ARFGEF3: variants seen among roughly 807,000 people sequenced by gnomAD.
The protein encoded by ARFGEF3 is brefeldin A-inhibited guanine nucleotide-exchange protein 3.
ARFGEF3 carries 96 observed loss-of-function variants against 221.7 expected under a neutral mutation model. The observed-to-expected ratio is 0.43, with a 90% CI of 0.37 to 0.51. ARFGEF3 has a LOEUF of 0.51. ARFGEF3 is among the 20% of genes least tolerant of loss of function. The pLI is 0.00. For synonymous variants in ARFGEF3, 1,145 were observed against 1,126.8 expected (o/e 1.02, Z -0.32); for missense variants, 2,410 against 2,789.9 (o/e 0.86, Z 3.07).
intron 12 of ARFGEF3, among the ~76,000 whole-genome samples, chr6:138,276,665 T>C (rs1183089572): frequency 2.0e-5 from 3 of 152,114 alleles, no homozygotes; most frequent in Non-Finnish European, 4.4e-5. Flanking sequence ...GCTTTTTGTT[T>C]TTCGTTTTTT....
At chr6:138,318,294 A>T (rs953254126) in intron 27 of ARFGEF3, among the ~76,000 whole-genome samples, 48 of 152,174 alleles carry the variant, frequency 3.2e-4, no homozygotes, top group African/African-American at 1.2e-3. Context: ...TTTCACATTG[A>T]TTGCCACTAA....
At chr6:138,238,891 A>C (rs903872250) in intron 6 of ARFGEF3, among the ~76,000 whole-genome samples, 1 of 152,170 alleles carries the variant, frequency 6.6e-6, no homozygotes, top group African/African-American at 2.4e-5. Flanking sequence ...TCATTGTTTT[A>C]AAACTTCTCA....
rs1373289696 is a variant in ARFGEF3, at chr6:138,328,072, C to T, written c.5053C>T (p.His1685Tyr). 7.7e-6 allele frequency: 12 copies of T among 1,563,626 alleles called. No individual in the cohort carries two copies. The highest frequency in any genetic ancestry group is 1.0e-5 in the Non-Finnish European group (12 of 1,152,736). The stretch of plus-strand genomic sequence containing the variant: ...ACCAAAGACACCAAACAACTTTGAC[C>T]ACGCTCAGTCCTGCCAGCTCATTAT... Reference protein sequence around the residue: ...CSPKTPNNFDHAQSCQLIIEL... With the variant: ...CSPKTPNNFDYAQSCQLIIEL... Residue 1685 changes from histidine to tyrosine, a missense_variant, in exon 32 of 34, where the codon CAC (histidine) becomes TAC (tyrosine). By Grantham distance (83) the His-to-Tyr change is moderately conservative. Coordinates refer to ENST00000251691, the MANE Select transcript of ARFGEF3 (RefSeq NM_020340.5).
At position 138,335,146 on chromosome 6, in the gene ARFGEF3, C is replaced by T. The variant is rs1780299934; in HGVS notation, c.6300C>T (p.Ser2100=). Residue 2100 remains serine (S), a synonymous_variant, in exon 33 of 34, where the codon AGC becomes AGT. Transcript: ENST00000251691. The part of the protein sequence containing the change: ...DKRPRSGSTG[S]SLSVSVRDAE... ...GGCCCCGCTCAGGCTCCACCGGGAG[C>T]TCCCTCAGTGTCTCGGTGAGAGACG... The T allele has an allele frequency of 6.3e-7, 1 of 1,587,114 alleles. No individual in the cohort carries two copies. The highest frequency in any genetic ancestry group is 8.5e-7 in the Non-Finnish European group (1 of 1,170,276).
At chr6:138,256,293 T>C (rs1778679415) in intron 10 of ARFGEF3, among the ~76,000 whole-genome samples, 1 of 152,282 alleles carries the variant, frequency 6.6e-6, no homozygotes, top group Admixed American at 6.5e-5. Context: ...CATCCCAGTG[T>C]GCTACTTCAT....
In ARFGEF3 at chr6:138,255,576, G is replaced by T; in HGVS notation, c.911G>T (p.Gly304Val). 6.2e-7 allele frequency: 1 copy of T among 1,613,986 alleles called. No individual in the cohort carries two copies. The highest frequency in any genetic ancestry group is 8.5e-7 in the Non-Finnish European group (1 of 1,179,882). Reference sequence around the variant, plus strand: ...CCGGGAGTGTCTGACCACGGCCGAGGATCAGGCTGCTCCTGCACTGCGCCG... The same window carrying T: ...CCGGGAGTGTCTGACCACGGCCGAGTATCAGGCTGCTCCTGCACTGCGCCG... The part of the protein sequence containing the change: ...ASPGVSDHGR[G>V]SGCSCTAPAL... The change falls in exon 10 of 34, where the codon GGA becomes GTA. Residue 304 changes from glycine to valine, a missense_variant. Gly to Val is a moderately radical substitution (Grantham distance 109). This residue lies in a region of ARFGEF3 where 570 missense variants were observed against 586.9 expected (regional missense o/e 0.97). Transcript: ENST00000251691.
chr6:138,324,020 C>T lies in ARFGEF3; in HGVS notation c.4870-3C>T. On this transcript the variant is annotated splice_region_variant and splice_polypyrimidine_tract_variant and intron_variant, in intron 30 of 33. Transcript: ENST00000251691. ...TCAGTGAGCATCTGCTGTTTCTCCC[C>T]AGGACCTGCTGGGCTGCTTCCACAG... 6.2e-7 allele frequency: 1 copy of T among 1,612,766 alleles called. No homozygotes were observed.
intron 12 of ARFGEF3, among the ~76,000 whole-genome samples, chr6:138,271,739 A>C (rs536892772): frequency 6.6e-6 from 1 of 152,294 alleles, no homozygotes; most frequent in Admixed American, 6.5e-5. Context: ...CTTACTTTCT[A>C]GTTAATATTT....
intron 25 of ARFGEF3, 54 bp downstream of exon 25, chr6:138,311,564 C>CTGCCAAAACA (rs1779831996): frequency 1.6e-6 from 2 of 1,271,158 alleles, no homozygotes; most frequent in Non-Finnish European, 2.2e-6. Context: ...TCGGAACATG[C>CTGCCAAAACA]TGCCAAAACA....
intron 2 of ARFGEF3, among the ~76,000 whole-genome samples, chr6:138,194,986 C>T (rs1777382740): frequency 7.6e-6 from 1 of 131,014 alleles, no homozygotes; most frequent in Admixed American, 7.7e-5. Context: ...CACCTTTTCC[C>T]TAATTTTTTT....
Position 138,333,893 on chromosome 6 carries a change from G to A in ARFGEF3, c.5124-77G>A. 4 of 1,463,292 alleles carry A rather than the reference G, an allele frequency of 2.7e-6. No homozygotes were observed. The Admixed American group carries it at 6.8e-5, about 25-fold the overall frequency. 90.6% of individuals were successfully genotyped at this position (1,463,292 alleles called of 1,614,324 possible). A position where few individuals can be genotyped will look rare whatever the true frequency, so the allele number is the denominator to read the frequency against. ...AATTTGCATAGATCGTTCTGAAACG[G>A]GTAACGTCTATATTGCTTTGAGACA... On this transcript the variant is annotated intron_variant, in intron 32 of 33. Coordinates refer to ENST00000251691, the MANE Select transcript of ARFGEF3 (RefSeq NM_020340.5).
intron 22 of ARFGEF3, among the ~76,000 whole-genome samples, chr6:138,305,315 T>C (rs1421469892): frequency 6.6e-6 from 1 of 151,818 alleles, no homozygotes; most frequent in Non-Finnish European, 1.5e-5. Flanking sequence ...CTTTAAAAAT[T>C]ATTGGCCAGG....
In ARFGEF3 at chr6:138,201,817, C is replaced by T. The variant is rs563953152; in HGVS notation, c.138-5225C>T. Reference sequence around the variant, plus strand: ...ATACCACCTGTACCCCAATAACTTACGAACAAATTTTTTTTTAAAAAGTTC... The same window carrying T: ...ATACCACCTGTACCCCAATAACTTATGAACAAATTTTTTTTTAAAAAGTTC... On this transcript the variant is annotated intron_variant, in intron 2 of 33. Coordinates refer to ENST00000251691, the MANE Select transcript of ARFGEF3 (RefSeq NM_020340.5). Among the ~76,000 whole-genome samples, 15 of 152,298 alleles carry T rather than the reference C, an allele frequency of 9.8e-5. No homozygotes were observed. The South Asian group carries it at 1.7e-3, about 17-fold the overall frequency.
rs1044798488 is a variant in ARFGEF3 at position 138,291,432 on chromosome 6, A to G, written c.3048-301A>G. The stretch of plus-strand genomic sequence containing the variant: ...GAGGGCAGATAAGCCAGTAAGCCGG[A>G]TGAGGCAGGGGGACTGGATGAACTG... On this transcript the variant is annotated intron_variant, in intron 18 of 33. Coordinates refer to ENST00000251691, the MANE Select transcript of ARFGEF3 (RefSeq NM_020340.5). This position sits in a 1 kb window ranked among gnomAD's most constrained non-coding sequence, Gnocchi z 4.5. 2.0e-5 allele frequency among the ~76,000 whole-genome samples: 3 copies of G among 152,170 alleles called. No individual in the cohort carries two copies. Among genetic ancestry groups the G allele is most frequent in the African/African-American group, 7.2e-5 (3 of 41,448 alleles).
At chr6:138,321,791 T>C (rs1207243216) in intron 29 of ARFGEF3, among the ~76,000 whole-genome samples, 1 of 152,208 alleles carries the variant, frequency 6.6e-6, no homozygotes, top group African/African-American at 2.4e-5. Flanking sequence ...ATGTTCACAA[T>C]AGTCAAAATT....
chr6:138,257,441 G>A (rs1244805369), intron 10 of ARFGEF3, among the ~76,000 whole-genome samples: 1 of 152,206 alleles, frequency 6.6e-6, no homozygotes, highest in Non-Finnish European at 1.5e-5. Flanking sequence ...GAAGGGAGAA[G>A]AGAGGCCTAG....
rs1393055081 is a variant in ARFGEF3 at position 138,314,719 on chromosome 6, G to A, written c.4345+780G>A. 2.6e-5 allele frequency among the ~76,000 whole-genome samples: 4 copies of A among 152,196 alleles called. No individual in the cohort carries two copies. In the South Asian group the frequency reaches 6.2e-4, roughly 24 times the overall value. On this transcript the variant is annotated intron_variant, in intron 26 of 33. Coordinates refer to ENST00000251691, the MANE Select transcript of ARFGEF3 (RefSeq NM_020340.5). Reference sequence around the variant, plus strand: ...GACAGGAGCAACATGCCCCAGGTGAGCCCAAAAACACAGCAGAGCAGACAT... The same window carrying A: ...GACAGGAGCAACATGCCCCAGGTGAACCCAAAAACACAGCAGAGCAGACAT...
chr6:138,162,691 T>C lies in ARFGEF3; in HGVS notation c.85+520T>C, dbSNP rs1776642550. Among the ~76,000 whole-genome samples, 1 of 152,234 alleles carries C rather than the reference T, an allele frequency of 6.6e-6. No individual in the cohort carries two copies. Among genetic ancestry groups the C allele is most frequent in the South Asian group, 2.1e-4 (1 of 4,832 alleles). On this transcript the variant is annotated intron_variant, in intron 1 of 33. Transcript: ENST00000251691. The surrounding 1 kb of genome is among the most constrained non-coding windows in gnomAD (Gnocchi z 4.7). ...AAATAACATACGGGCGGGGATCATG[T>C]TACCTCTGCAATTCTGTTGTGGTCT...
At chr6:138,324,231 G>A (rs183302027) in intron 31 of ARFGEF3, 77 bp downstream of exon 31, 397 of 1,509,362 alleles carry the variant, frequency 2.6e-4, no homozygotes, top group Non-Finnish European at 3.1e-4. Context: ...TGAAGGTCTC[G>A]CATCACCAAA....
Sources: gnomAD v4.1 joint callset for allele counts (sites outside exome capture counted in the v4.1 genomes callset) on GRCh38, gnomAD v4.1.1 for gene constraint, gnomAD v4.1.1 regional missense constraint, Gnocchi (gnomAD v3.1) non-coding constraint, MANE v1.5 for transcripts, NCBI Gene and HGNC (gene_info 2026-07-23, HGNC 2026-07-21) for gene names.